PHLPP1: variants seen among roughly 807,000 people sequenced by gnomAD.
PHLPP1 encodes the protein PH domain and leucine rich repeat protein phosphatase 1.
PHLPP1 carries 42 observed loss-of-function variants against 117.2 expected under a neutral mutation model. The ratio of observed to expected loss-of-function variants is 0.36; its 90% CI spans 0.28 to 0.46. The LOEUF is 0.46. Among genes scored for constraint, PHLPP1 ranks in the 20% least tolerant of loss-of-function variants. The probability of loss-of-function intolerance (pLI) is 1.00; values close to 1 mark genes in which losing one functional copy is unlikely to be tolerated. For synonymous variants in PHLPP1, 1,042 were observed against 970.7 expected (o/e 1.07, Z -1.37); for missense variants, 2,084 against 2,241.9 (o/e 0.93, Z 1.42).
chr18:62,869,918 T>C (rs1915857468), intron 4 of PHLPP1, among the ~76,000 whole-genome samples: 1 of 152,202 alleles, frequency 6.6e-6, no homozygotes, highest in African/African-American at 2.4e-5. Flanking sequence ...GACGGGCTCT[T>C]GCTCTGTCGC....
chr18:62,716,722 ACCGAGAGCTTCAGTCTGAGTCCCAGCG>A lies in PHLPP1; in HGVS notation c.1048_1074del (p.Phe350_Ser358del). The A allele has an allele frequency of 4.7e-6, 7 of 1,502,572 alleles. No homozygotes were observed. The highest frequency in any genetic ancestry group is 6.2e-6 in the Non-Finnish European group (7 of 1,130,544). The allele number at this position is 1,502,572 out of a possible 1,614,324, so 93.1% of individuals were successfully genotyped here. A position where few individuals can be genotyped will look rare whatever the true frequency, so the allele number is the denominator to read the frequency against. ...CGCCCCACGGCCTGTGGTCTCCGACACCGAGAGCTTCAGTCTGAGTCCCAGCGCCGAGAGCGTGTCTGACCGGTTGGA... is the reference window on the plus strand; with the variant it reads ...CGCCCCACGGCCTGTGGTCTCCGACACCGAGAGCGTGTCTGACCGGTTGGA... On this transcript the variant is annotated inframe_deletion, in exon 1 of 17. Coordinates refer to ENST00000262719, the MANE Select transcript of PHLPP1 (RefSeq NM_194449.4). This position sits in a 1 kb window ranked among gnomAD's most constrained non-coding sequence, Gnocchi z 5.7.
chr18:62,950,399 G>A (rs932750558), intron 12 of PHLPP1, among the ~76,000 whole-genome samples: 1 of 152,194 alleles, frequency 6.6e-6, no homozygotes, highest in Non-Finnish European at 1.5e-5. Context: ...CAATCAGCTA[G>A]AGAGAAAACC....
intron 14 of PHLPP1, among the ~76,000 whole-genome samples, chr18:62,968,324 T>G (rs1910960317): frequency 6.6e-6 from 1 of 152,136 alleles, no homozygotes; most frequent in Non-Finnish European, 1.5e-5. Flanking sequence ...ATAAAATTGG[T>G]AATATAGCCT....
intron 15 of PHLPP1, among the ~76,000 whole-genome samples, chr18:62,973,727 A>G (rs1911116915): frequency 6.6e-6 from 1 of 152,202 alleles, no homozygotes; most frequent in South Asian, 2.1e-4. Context: ...GAGCATATAC[A>G]ATTAGCAACT....
At chr18:62,848,531 C>G (rs1915240782) in intron 3 of PHLPP1, among the ~76,000 whole-genome samples, 1 of 133,052 alleles carries the variant, frequency 7.5e-6, no homozygotes, top group South Asian at 2.5e-4. Context: ...GGCATGATTA[C>G]AGTTCACTGC....
chr18:62,844,450 T>G (rs1915129705), intron 3 of PHLPP1, among the ~76,000 whole-genome samples: 1 of 152,224 alleles, frequency 6.6e-6, no homozygotes, highest in African/African-American at 2.4e-5. Context: ...TTACTCTTTA[T>G]TACAGAAAAT....
intron 1 of PHLPP1, among the ~76,000 whole-genome samples, chr18:62,718,610 T>C (rs1910830682): frequency 6.6e-6 from 1 of 152,208 alleles, no homozygotes; most frequent in East Asian, 1.9e-4. Context: ...TGAAGACAAT[T>C]TGTCAACTCG....
chr18:62,834,817 C>T (rs772068900), intron 2 of PHLPP1, among the ~76,000 whole-genome samples: 10 of 152,144 alleles, frequency 6.6e-5, no homozygotes, highest in African/African-American at 1.4e-4. Flanking sequence ...GAAGTTTCCT[C>T]GTGTCCCTTT....
At chr18:62,741,659 T>C (rs1449119192) in intron 1 of PHLPP1, among the ~76,000 whole-genome samples, 1 of 151,632 alleles carries the variant, frequency 6.6e-6, no homozygotes, top group Non-Finnish European at 1.5e-5. Context: ...CCAAATACTT[T>C]TATAAATAAT....
intron 3 of PHLPP1, among the ~76,000 whole-genome samples, chr18:62,841,293 T>C (rs1915044032): frequency 6.6e-6 from 1 of 151,882 alleles, no homozygotes; most frequent in South Asian, 2.1e-4. Context: ...TCTCCTCTAG[T>C]GTGTGACAGT....
At chr18:62,849,832 A>ATATATATATAT (rs747097979) in intron 3 of PHLPP1, among the ~76,000 whole-genome samples, 6 of 33,084 alleles carry the variant, frequency 1.8e-4, no homozygotes, top group Admixed American at 1.1e-3. Flanking sequence ...AAAAAAAAAA[A>ATATATATATAT]ATATATATAT....
At chr18:62,891,614 G>C (rs1916410089) in intron 4 of PHLPP1, among the ~76,000 whole-genome samples, 1 of 151,270 alleles carries the variant, frequency 6.6e-6, no homozygotes, top group Non-Finnish European at 1.5e-5. Flanking sequence ...TTTAGGGTAG[G>C]CACGATGACT....
At chr18:62,801,286 G>T (rs1023064736) in intron 1 of PHLPP1, among the ~76,000 whole-genome samples, 2 of 151,320 alleles carry the variant, frequency 1.3e-5, no homozygotes, top group East Asian at 3.9e-4. Flanking sequence ...CAAGTAATCC[G>T]CTTGCCTTGG....
intron 15 of PHLPP1, among the ~76,000 whole-genome samples, chr18:62,974,878 G>A (rs1225678005): frequency 6.6e-6 from 1 of 152,180 alleles, no homozygotes; most frequent in Non-Finnish European, 1.5e-5. Flanking sequence ...CTTCAAGGCT[G>A]CTACCAGCAA....
intron 9 of PHLPP1, among the ~76,000 whole-genome samples, chr18:62,919,698 A>G (rs1373916926): frequency 6.6e-6 from 1 of 152,244 alleles, no homozygotes; most frequent in Non-Finnish European, 1.5e-5. Context: ...TAACAAGATT[A>G]GACTGATCTC....
chr18:62,734,179 G>A (rs1336998429), intron 1 of PHLPP1, among the ~76,000 whole-genome samples: 1 of 152,060 alleles, frequency 6.6e-6, no homozygotes, highest in East Asian at 1.9e-4. Flanking sequence ...TTGATGGGAA[G>A]TGCTGTTTAT....
chr18:62,928,677 A>G (rs1317763072), intron 10 of PHLPP1, among the ~76,000 whole-genome samples: 1 of 152,222 alleles, frequency 6.6e-6, no homozygotes, highest in Admixed American at 6.5e-5. Context: ...AAATGAAAGC[A>G]TATATGTTTA....
At chr18:62,968,561 G>T (rs1599146430) in intron 14 of PHLPP1, among the ~76,000 whole-genome samples, 1 of 89,826 alleles carries the variant, frequency 1.1e-5, no homozygotes, top group Non-Finnish European at 2.0e-5. Flanking sequence ...TTTTTGAGAT[G>T]GAGTCTCACT....
At chr18:62,943,732 C>T (rs562479669) in intron 11 of PHLPP1, among the ~76,000 whole-genome samples, 17 of 152,262 alleles carry the variant, frequency 1.1e-4, no homozygotes, top group African/African-American at 2.4e-4. Flanking sequence ...CACCTCCCAC[C>T]GGGCCCCACC....
Sources: allele counts gnomAD v4.1 joint callset (sites outside exome capture counted in the v4.1 genomes callset), GRCh38; gene constraint gnomAD v4.1.1; non-coding constraint Gnocchi (gnomAD v3.1); transcripts MANE v1.5; gene names NCBI Gene and HGNC (gene_info 2026-07-23, HGNC 2026-07-21).